FRS3: variants seen among roughly 807,000 people sequenced by gnomAD.
The protein encoded by FRS3 is FGFR substrate 3.
A neutral mutation model predicts 41.9 loss-of-function variants in FRS3; 17 were observed. The observed-to-expected ratio is 0.41, with a 90% confidence interval of 0.28 to 0.61. The LOEUF (loss-of-function observed/expected upper bound fraction) is 0.61. FRS3 is among the 20% of genes least tolerant of loss of function. FRS3 has a pLI of 0.36. For missense variants in FRS3, 619 were observed against 672.1 expected, an observed-to-expected ratio of 0.92 and a Z score of 0.87; for synonymous variants, 287 against 274.5, an observed-to-expected ratio of 1.05 and a Z score of -0.45.
intron 4 of FRS3, among the ~76,000 whole-genome samples, chr6:41,774,201 A>C (rs1051740966): frequency 3.9e-5 from 6 of 151,964 alleles, no homozygotes; most frequent in African/African-American, 1.5e-4. Context: ...CGCCCACCTC[A>C]GCCTCCCAAA....
intron 5 of FRS3, 65 bp from the exon 6 acceptor site, chr6:41,772,029 G>A: frequency 7.4e-7 from 1 of 1,354,520 alleles, no homozygotes; most frequent in Non-Finnish European, 1.0e-6. Context: ...ACTTGCAGCT[G>A]TGTGTGTGGC....
Position 41,771,389 on chromosome 6 carries a change from G to T in FRS3, c.709C>A (p.Pro237Thr), listed in dbSNP as rs750706880. 2 of 1,613,664 alleles carry T rather than the reference G, an allele frequency of 1.2e-6. No homozygotes were observed. The highest frequency in any genetic ancestry group is 1.7e-6 in the Non-Finnish European group (2 of 1,179,852). Reference sequence around the variant, plus strand: ...CCCAACACAAACTTCACCTGGCCTGGCTGCAAGAACACCTGTGGGTCCCGT... The same window carrying T: ...CCCAACACAAACTTCACCTGGCCTGTCTGCAAGAACACCTGTGGGTCCCGT... The part of the protein sequence containing the change: ...DQRDPQVFLQ[P>T]GQVKFVLGPT... The change falls in exon 7 of 7, where the codon CCA (proline) becomes ACA (threonine). Residue 237 changes from proline to threonine, a missense_variant. Physicochemically the swap from Pro to Thr is conservative, Grantham distance 38 (BLOSUM62 -1). Transcript: ENST00000373018.
Position 41,771,437 on chromosome 6 carries a change from G to C in FRS3, c.661C>G (p.Pro221Ala). The C allele has an allele frequency of 6.2e-7, 1 of 1,611,710 alleles. No individual in the cohort carries two copies. Among genetic ancestry groups the C allele is most frequent in the African/African-American group, 1.3e-5 (1 of 74,946 alleles). Residue 221 changes from proline (P) to alanine (A), a missense_variant, in exon 7 of 7, where the codon CCG becomes GCG. Physicochemically the swap from Pro to Ala is conservative, Grantham distance 27 (BLOSUM62 -1). This residue lies in a region of FRS3 where 487 missense variants were observed against 478.3 expected (regional missense o/e 1.02). Coordinates refer to ENST00000373018, the MANE Select transcript of FRS3 (RefSeq NM_006653.5). ...PLPEGQAPFL[P>A]QARGPDQRDP... ...CGTTGGTCAGGTCCCCGGGCCTGCG[G>C]GAGGAAGGGTGCCTGACCCTCAGGC...
intron 5 of FRS3, 105 bp from the exon 6 acceptor site, chr6:41,772,069 T>C (rs1772311116): frequency 2.2e-6 from 2 of 926,710 alleles, no homozygotes; most frequent in Non-Finnish European, 3.2e-6. Flanking sequence ...GGAGGACAGA[T>C]GTTCTCAGGG....
chr6:41,771,886 G>C lies in FRS3; in HGVS notation c.494C>G (p.Ser165Trp), dbSNP rs557171378. 3.3e-5 allele frequency: 52 copies of C among 1,554,606 alleles called. No homozygotes were observed. The South Asian group carries it at 5.9e-4, about 18-fold the overall frequency. Reference sequence around the variant, plus strand: ...CGAGGGGTGCCGCAGGCTGCTTGTCGAGAGCCGCCGGGGAGCTGAGAATCG... The same window carrying C: ...CGAGGGGTGCCGCAGGCTGCTTGTCCAGAGCCGCCGGGGAGCTGAGAATCG... Reference protein sequence around the residue: ...GPRFSAPRRLSTSSLRHPSLG... With the variant: ...GPRFSAPRRLWTSSLRHPSLG... The change falls in exon 6 of 7, where the codon TCG (serine) becomes TGG (tryptophan). Residue 165 changes from serine (S) to tryptophan (W), a missense_variant. Physicochemically the swap from Ser to Trp is radical, Grantham distance 177. Transcript: ENST00000373018.
At position 41,770,418 on chromosome 6, in the gene FRS3, C is replaced by T. The variant is rs1772254878; in HGVS notation, c.*201G>A. The stretch of plus-strand genomic sequence containing the variant: ...TCCCTCCTCGCCTGGTCACCCTTCT[C>T]TCCCCAGCCTGGAGACAGACCAGGA... On this transcript the variant is annotated 3_prime_UTR_variant, in exon 7 of 7. Transcript: ENST00000373018. 6.6e-6 allele frequency: 4 copies of T among 607,094 alleles called. No individual in the cohort carries two copies. The Admixed American group carries it at 1.2e-4, about 18-fold the overall frequency. 37.6% of individuals were successfully genotyped at this position (607,094 alleles called of 1,614,324 possible). A position where few individuals can be genotyped will look rare whatever the true frequency, so the allele number is the denominator to read the frequency against.
In FRS3 at chr6:41,770,756, G is replaced by A; in HGVS notation, c.1342C>T (p.Pro448Ser). The A allele has an allele frequency of 6.2e-7, 1 of 1,613,760 alleles. No individual in the cohort carries two copies. The change falls in exon 7 of 7, where the codon CCT becomes TCT. Residue 448 changes from proline to serine, a missense_variant. This residue lies in a region of FRS3 where 487 missense variants were observed against 478.3 expected (regional missense o/e 1.02). Transcript: ENST00000373018. ...SPQAPMPTTH[P>S]ARSSDSYAVI... ...GCGTAGGAGTCTGAGCTTCGGGCAG[G>A]GTGGGTGGTGGGCATGGGGGCTTGG... is the stretch of plus-strand genomic sequence containing the variant.
chr6:41,772,810 G>T lies in FRS3; in HGVS notation c.403C>A (p.Gln135Lys). 2 of 1,609,844 alleles carry T rather than the reference G, an allele frequency of 1.2e-6. No individual in the cohort carries two copies. Among genetic ancestry groups the T allele is most frequent in the Non-Finnish European group, 1.7e-6 (2 of 1,179,278 alleles). The change falls in exon 5 of 7, where the codon CAG (glutamine) becomes AAG (lysine). Residue 135 changes from glutamine to lysine, a missense_variant. Gln to Lys is a moderately conservative substitution (Grantham distance 53, BLOSUM62 1). Around this residue, in one of 3 missense-constraint regions of FRS3, gnomAD observed 487 missense variants for 478.3 expected, o/e 1.02. Coordinates refer to ENST00000373018, the MANE Select transcript of FRS3 (RefSeq NM_006653.5). ...GGGGTCTCCTCACCATTGGGTGGCT[G>T]GGGGGCTCGAGGGAGGTCAAGCTCA... ...PAELDLPRAPQPPNALGYTVS... is the reference protein window; with the variant it reads ...PAELDLPRAPKPPNALGYTVS...
In FRS3 at chr6:41,770,633, C is replaced by T. The variant is rs373596042; in HGVS notation, c.1465G>A (p.Asp489Asn). 46 of 1,614,088 alleles carry T rather than the reference C, an allele frequency of 2.8e-5. No individual in the cohort carries two copies. The highest frequency in any genetic ancestry group is 2.7e-4 in the South Asian group (25 of 91,068). ...TARKTRHNST[D>N]LPL ...CCGGGAAGTCCCTACAGAGGCAGGT[C>T]GGTGCTGTTGTGCCGGGTTTTCCTG... Residue 489 changes from aspartate (D) to asparagine (N), a missense_variant, in exon 7 of 7, where the codon GAC becomes AAC. Coordinates refer to ENST00000373018, the MANE Select transcript of FRS3 (RefSeq NM_006653.5).
chr6:41,771,108 A>C lies in FRS3; in HGVS notation c.990T>G (p.Pro330=). 6.3e-7 allele frequency: 1 copy of C among 1,586,480 alleles called. No individual in the cohort carries two copies. The highest frequency in any genetic ancestry group is 8.6e-7 in the Non-Finnish European group (1 of 1,164,288). The change falls in exon 7 of 7, where the codon CCT becomes CCG. Residue 330 remains proline, a synonymous_variant. Coordinates refer to ENST00000373018, the MANE Select transcript of FRS3 (RefSeq NM_006653.5). ...LHYENLPPLP[P]VWESQAQQLG... Reference sequence around the variant, plus strand: ...GCTGCTGGGCTTGGCTTTCCCACACAGGGGGCAGTGGGGGCAGGTTCTCAT... The same window carrying C: ...GCTGCTGGGCTTGGCTTTCCCACACCGGGGGCAGTGGGGGCAGGTTCTCAT...
In FRS3 at chr6:41,771,125, G is replaced by C. The variant is rs1438617023; in HGVS notation, c.973C>G (p.Leu325Val). ...TCCCACACAGGGGGCAGTGGGGGCA[G>C]GTTCTCATAGTGCAGCAGGGCGGCC... is the stretch of plus-strand genomic sequence containing the variant. ...RRAALLHYEN[L>V]PPLPPVWESQ... Residue 325 changes from leucine to valine, a missense_variant, in exon 7 of 7, where the codon CTG (leucine) becomes GTG (valine). By Grantham distance (32) the Leu-to-Val change is conservative. Transcript: ENST00000373018. The C allele has an allele frequency of 1.3e-6, 2 of 1,575,000 alleles. No individual in the cohort carries two copies. Among genetic ancestry groups the C allele is most frequent in the East Asian group, 4.5e-5 (2 of 44,450 alleles).
In FRS3 at chr6:41,771,105, C is replaced by T. The variant is rs1305808795; in HGVS notation, c.993G>A (p.Val331=). The T allele has an allele frequency of 6.3e-7, 1 of 1,587,464 alleles. No individual in the cohort carries two copies. Among genetic ancestry groups the T allele is most frequent in the Admixed American group, 1.7e-5 (1 of 58,362 alleles). The change falls in exon 7 of 7, where the codon GTG becomes GTA. Residue 331 remains valine (V), a synonymous_variant. Transcript: ENST00000373018. The part of the protein sequence containing the change: ...HYENLPPLPP[V]WESQAQQLGG... ...CCAGCTGCTGGGCTTGGCTTTCCCA[C>T]ACAGGGGGCAGTGGGGGCAGGTTCT...
At position 41,776,988 on chromosome 6, in the gene FRS3, G is replaced by A; in HGVS notation, c.-1C>T. ...TCAGGCAGCTGCAGCAGCTCCCCAT[G>A]GTGTCAGAGCAGCCAGCCTGCCCTA... On this transcript the variant is annotated 5_prime_UTR_variant, in exon 3 of 7. Coordinates refer to ENST00000373018, the MANE Select transcript of FRS3 (RefSeq NM_006653.5). 2 of 1,613,998 alleles carry A rather than the reference G, an allele frequency of 1.2e-6. No individual in the cohort carries two copies. The highest frequency in any genetic ancestry group is 2.2e-5 in the East Asian group (1 of 44,880).
chr6:41,779,313 G>A (rs1282048460), intron 1 of FRS3, among the ~76,000 whole-genome samples: 5 of 152,000 alleles, frequency 3.3e-5, no homozygotes, highest in Non-Finnish European at 5.9e-5. Context: ...TGAGAGGGGG[G>A]TGTGGGGGCT....
intron 5 of FRS3, 53 bp downstream of exon 5, chr6:41,772,745 C>CGTGT (rs70987534): frequency 0.049 from 56,414 of 1,153,482 alleles, 263 homozygotes; most frequent in Non-Finnish European, 0.051. Context: ...GCTTCCTGGG[C>CGTGT]GTGTGTGTGT....
Position 41,770,695 on chromosome 6 carries a change from T to C in FRS3, c.1403A>G (p.Asn468Ser). 9 of 1,614,068 alleles carry C rather than the reference T, an allele frequency of 5.6e-6. No homozygotes were observed. The highest frequency in any genetic ancestry group is 7.6e-6 in the Non-Finnish European group (9 of 1,180,026). ...GTCTCGGGGCAGAGCTCTCTGCAGG[T>C]TGGACATGGCCACGGTCTTTTTGAG... ...IDLKKTVAMSNLQRALPRDDG... is the reference protein window; with the variant it reads ...IDLKKTVAMSSLQRALPRDDG... Residue 468 changes from asparagine to serine, a missense_variant, in exon 7 of 7, where the codon AAC (asparagine) becomes AGC (serine). By Grantham distance (46) the Asn-to-Ser change is conservative (BLOSUM62 1). This residue lies in a region of FRS3 where 32 missense variants were observed against 55.6 expected (regional missense o/e 0.58). Transcript: ENST00000373018.
chr6:41,779,756 G>A lies in FRS3; in HGVS notation c.-168+60C>T, dbSNP rs1422701800. Reference sequence around the variant, plus strand: ...AGTGGAGACTGCGGCGCGGCGCGGCGCGGCGCGGCGCGGCCTCGGTGAAGC... The same window carrying A: ...AGTGGAGACTGCGGCGCGGCGCGGCACGGCGCGGCGCGGCCTCGGTGAAGC... On this transcript the variant is annotated intron_variant, in intron 1 of 6. Coordinates refer to ENST00000373018, the MANE Select transcript of FRS3 (RefSeq NM_006653.5). 9.7e-5 allele frequency: 14 copies of A among 144,966 alleles called. 1 individual carries two copies. The East Asian group carries it at 2.9e-3, about 30-fold the overall frequency. 9.0% of individuals were successfully genotyped at this position (144,966 alleles called of 1,614,324 possible).
intron 4 of FRS3, among the ~76,000 whole-genome samples, chr6:41,773,858 C>G (rs145531576): frequency 6.7e-6 from 1 of 149,682 alleles, no homozygotes; most frequent in African/African-American, 2.5e-5. Flanking sequence ...GGTGACAGAG[C>G]GAGACTCTGT....
chr6:41,771,660 C>T (rs1772297438), intron 6 of FRS3, 127 bp from the exon 7 acceptor site: 2 of 1,148,548 alleles, frequency 1.7e-6, no homozygotes, highest in Non-Finnish European at 2.4e-6. Flanking sequence ...TGTCCTCCAA[C>T]CCTTCTGAGG....
Sources: gnomAD v4.1 joint callset for allele counts (sites outside exome capture counted in the v4.1 genomes callset) on GRCh38, gnomAD v4.1.1 for gene constraint, gnomAD v4.1.1 regional missense constraint, MANE v1.5 for transcripts, NCBI Gene and HGNC (gene_info 2026-07-23, HGNC 2026-07-21) for gene names.